Variants in LRRC4C observed in about 807,000 individuals in gnomAD.
The protein encoded by LRRC4C is leucine-rich repeat-containing protein 4C.
A neutral mutation model predicts 33.6 loss-of-function variants in LRRC4C; 5 were observed. The observed-to-expected ratio is 0.15, with a 90% CI of 0.08 to 0.31. The LOEUF (loss-of-function observed/expected upper bound fraction) is 0.31, where lower values mean the gene tolerates loss of function less well. Among genes scored for constraint, LRRC4C ranks in the 10% least tolerant of loss-of-function variants. The probability of loss-of-function intolerance (pLI) is 1.00; values close to 1 mark genes in which losing one functional copy is unlikely to be tolerated. For synonymous variants in LRRC4C, 329 were observed against 302.0 expected (o/e 1.09, Z -0.93); for missense variants, 560 against 796.7 (o/e 0.70, Z 3.58).
chr11:40,885,296 A>C (rs1438255099), intron 2 of LRRC4C, among the ~76,000 whole-genome samples: 1 of 152,056 alleles, frequency 6.6e-6, no homozygotes, highest in African/African-American at 2.4e-5. Context: ...ATAATTACTT[A>C]AGTCCTCTTT....
At chr11:40,919,623 G>C (rs1957094636) in intron 2 of LRRC4C, among the ~76,000 whole-genome samples, 1 of 152,050 alleles carries the variant, frequency 6.6e-6, no homozygotes, top group Admixed American at 6.6e-5. Context: ...CCACAAATTT[G>C]TAAGATCTGT....
intron 1 of LRRC4C, among the ~76,000 whole-genome samples, chr11:41,056,182 G>C (rs355259): frequency 0.97 from 147,664 of 152,246 alleles, 71,785 homozygotes; most frequent in East Asian, 1. Flanking sequence ...AGACACATTC[G>C]CACCCTTCCA....
At chr11:40,609,642 GA>G (rs1340187998) in intron 3 of LRRC4C, among the ~76,000 whole-genome samples, 4 of 151,610 alleles carry the variant, frequency 2.6e-5, no homozygotes, top group African/African-American at 7.3e-5. Context: ...AGATCAACAG[GA>G]TTAACAAATC....
intron 1 of LRRC4C, among the ~76,000 whole-genome samples, chr11:41,455,835 A>G (rs1956157187): frequency 6.6e-6 from 1 of 152,168 alleles, no homozygotes; most frequent in African/African-American, 2.4e-5. Context: ...CCTACCAACC[A>G]TTAAGCAATA....
chr11:41,198,685 C>T (rs1358004560), intron 1 of LRRC4C, among the ~76,000 whole-genome samples: 1 of 141,384 alleles, frequency 7.1e-6, no homozygotes, highest in Non-Finnish European at 1.6e-5. Context: ...GTGGGAAAGA[C>T]ACTCCATTTT....
chr11:41,150,043 A>G (rs1943921521), intron 1 of LRRC4C, among the ~76,000 whole-genome samples: 1 of 152,164 alleles, frequency 6.6e-6, no homozygotes, highest in Admixed American at 6.5e-5. Context: ...CAGCCCTTAA[A>G]TGTATCATTC....
At chr11:41,046,976 A>G (rs533365769) in intron 1 of LRRC4C, among the ~76,000 whole-genome samples, 4 of 152,184 alleles carry the variant, frequency 2.6e-5, no homozygotes, top group Non-Finnish European at 4.4e-5. Flanking sequence ...TGGATATGAC[A>G]TCAAAAGCAG....
At chr11:40,787,987 A>G (rs1950484407) in intron 2 of LRRC4C, among the ~76,000 whole-genome samples, 1 of 152,156 alleles carries the variant, frequency 6.6e-6, no homozygotes, top group Admixed American at 6.5e-5. Flanking sequence ...CTAACATACA[A>G]AACACCGCAC....
intron 1 of LRRC4C, among the ~76,000 whole-genome samples, chr11:41,359,658 C>T (rs1489766699): frequency 6.6e-6 from 1 of 152,016 alleles, no homozygotes; most frequent in South Asian, 2.1e-4. Flanking sequence ...CATTATTGTA[C>T]TTTAACTGTT....
chr11:40,769,170 CTTTA>C (rs35054556), intron 2 of LRRC4C, among the ~76,000 whole-genome samples: 18,786 of 151,982 alleles, frequency 0.12, 1,546 homozygotes, highest in East Asian at 0.4. Flanking sequence ...GTGAGTAAAA[CTTTA>C]TTTGTCAACA....
chr11:41,373,190 C>A (rs1267352365), intron 1 of LRRC4C, among the ~76,000 whole-genome samples: 1 of 151,898 alleles, frequency 6.6e-6, no homozygotes. Flanking sequence ...CACAATGAAT[C>A]CCCAGTTGAA....
At chr11:41,228,097 T>C (rs891985152) in intron 1 of LRRC4C, among the ~76,000 whole-genome samples, 8 of 149,186 alleles carry the variant, frequency 5.4e-5, no homozygotes, top group Non-Finnish European at 5.9e-5. Flanking sequence ...TAGTAGCATA[T>C]ATTATATCAG....
intron 6 of LRRC4C, among the ~76,000 whole-genome samples, chr11:40,124,810 A>C (rs938611062): frequency 6.6e-6 from 1 of 152,186 alleles, no homozygotes; most frequent in African/African-American, 2.4e-5. Flanking sequence ...TAAAATAGTA[A>C]AATTGTTGTA....
At chr11:41,355,549 G>A (rs1952130869) in intron 1 of LRRC4C, among the ~76,000 whole-genome samples, 2 of 152,008 alleles carry the variant, frequency 1.3e-5, no homozygotes, top group South Asian at 4.2e-4. Flanking sequence ...ATATCAAGAG[G>A]GCATTCTCAG....
intron 1 of LRRC4C, among the ~76,000 whole-genome samples, chr11:41,219,527 C>T (rs989795889): frequency 6.6e-6 from 1 of 152,226 alleles, no homozygotes; most frequent in Non-Finnish European, 1.5e-5. Flanking sequence ...TGTGTTCCTA[C>T]ATAAAGGTGT....
intron 5 of LRRC4C, among the ~76,000 whole-genome samples, chr11:40,218,688 AAAGAATCTATCT>A (rs1864170049): frequency 8.2e-6 from 1 of 121,852 alleles, no homozygotes; most frequent in African/African-American, 2.7e-5. Flanking sequence ...AAAGAATGAT[AAAGAATCTATCT>A]ATCTATCTAT....
At chr11:40,135,798 C>T (rs1159652684) in intron 6 of LRRC4C, among the ~76,000 whole-genome samples, 1 of 152,174 alleles carries the variant, frequency 6.6e-6, no homozygotes, top group Non-Finnish European at 1.5e-5. Context: ...CTTAAACTTT[C>T]CATACCCATC....
At chr11:40,850,568 G>T (rs571556198) in intron 2 of LRRC4C, among the ~76,000 whole-genome samples, 1 of 152,280 alleles carries the variant, frequency 6.6e-6, no homozygotes, top group South Asian at 2.1e-4. Flanking sequence ...GTCGACCCCT[G>T]CTGGGAGGTT....
chr11:40,640,628 CTT>C (rs1395845546), intron 3 of LRRC4C, among the ~76,000 whole-genome samples: 2 of 151,822 alleles, frequency 1.3e-5, no homozygotes, highest in African/African-American at 4.8e-5. Context: ...TAATAATAAA[CTT>C]ATTTTGTTTC....
Sources: gnomAD v4.1 joint callset for allele counts (sites outside exome capture counted in the v4.1 genomes callset) on GRCh38, gnomAD v4.1.1 for gene constraint, MANE v1.5 for transcripts, NCBI Gene and HGNC (gene_info 2026-07-23, HGNC 2026-07-21) for gene names.